GRID2: variants seen among roughly 807,000 people sequenced by gnomAD.
GRID2 encodes glutamate receptor ionotropic, delta-2.
GRID2 carries 33 observed loss-of-function variants against 114.8 expected under a neutral mutation model. The observed-to-expected ratio is 0.29, with a 90% CI of 0.22 to 0.38. GRID2 has a LOEUF of 0.38. GRID2 is among the 10% of genes least tolerant of loss of function. The probability of loss-of-function intolerance (pLI) is 1.00; values close to 1 mark genes in which losing one functional copy is unlikely to be tolerated. For missense variants in GRID2, 1,184 were observed against 1,257.7 expected (o/e 0.94, Z 0.89); for synonymous variants, 505 against 449.9 (o/e 1.12, Z -1.55).
chr4:92,696,541 T>C (rs1419099040), intron 2 of GRID2, among the ~76,000 whole-genome samples: 2 of 152,146 alleles, frequency 1.3e-5, no homozygotes, highest in Non-Finnish European at 2.9e-5. Context: ...GCCTGAGTTT[T>C]TGAAGAAAGA....
At chr4:93,283,214 G>A (rs577634703) in intron 8 of GRID2, among the ~76,000 whole-genome samples, 7 of 152,006 alleles carry the variant, frequency 4.6e-5, no homozygotes, top group Admixed American at 1.3e-4. Flanking sequence ...TATATGAGAA[G>A]GGAAAGGATG....
intron 14 of GRID2, among the ~76,000 whole-genome samples, chr4:93,670,599 C>G (rs997961640): frequency 3.9e-5 from 6 of 152,274 alleles, no homozygotes; most frequent in Admixed American, 2.6e-4. Flanking sequence ...TACACTGATA[C>G]TTTCACACAG....
chr4:92,906,481 C>G (rs981613180), intron 2 of GRID2, among the ~76,000 whole-genome samples: 1 of 137,276 alleles, frequency 7.3e-6, no homozygotes, highest in Non-Finnish European at 1.6e-5. Flanking sequence ...GCCCCTCAGG[C>G]TTATACTTAA....
intron 8 of GRID2, among the ~76,000 whole-genome samples, chr4:93,330,010 A>C (rs1411771532): frequency 6.6e-6 from 1 of 152,142 alleles, no homozygotes; most frequent in Non-Finnish European, 1.5e-5. Context: ...TGGCCATAAA[A>C]TATTATAAAA....
chr4:92,844,705 C>CAA lies in GRID2; in HGVS notation c.245-240276_245-240275dup, dbSNP rs35173293. ...TGTGCAACAGAGCAAGACTCTGTCTCAAAAAAAAAAAAAAAGAAAGAAAAA... is the reference window on the plus strand; with the variant it reads ...TGTGCAACAGAGCAAGACTCTGTCTCAAAAAAAAAAAAAAAAAGAAAGAAAAA... On this transcript the variant is annotated intron_variant, in intron 2 of 15. Coordinates refer to ENST00000282020, the MANE Select transcript of GRID2 (RefSeq NM_001510.4). 2.6e-3 allele frequency among the ~76,000 whole-genome samples: 240 copies of CAA among 92,902 alleles called. 1 individual carries two copies. The highest frequency in any genetic ancestry group is 7.1e-3 in the African/African-American group (160 of 22,522). The allele number at this position is 92,902 out of a possible 152,430, so 60.9% of individuals were successfully genotyped here. A position where few individuals can be genotyped will look rare whatever the true frequency, so the allele number is the denominator to read the frequency against.
chr4:93,804,510 G>A (rs574898547), intron 1 of GRID2, among the ~76,000 whole-genome samples: 1 of 152,048 alleles, frequency 6.6e-6, no homozygotes, highest in Non-Finnish European at 1.5e-5. Flanking sequence ...ACATAGGAAA[G>A]GTACAGTAAA....
intron 12 of GRID2, among the ~76,000 whole-genome samples, chr4:93,495,719 A>G (rs72668793): frequency 6.6e-6 from 1 of 151,872 alleles, no homozygotes; most frequent in Non-Finnish European, 1.5e-5. Context: ...ACTTGATACG[A>G]ATATGTCTCT....
intron 4 of GRID2, among the ~76,000 whole-genome samples, chr4:93,200,694 A>G (rs960806701): frequency 6.6e-6 from 1 of 152,230 alleles, no homozygotes; most frequent in Non-Finnish European, 1.5e-5. Context: ...CTGTAGGTTT[A>G]TTGTGGGATT....
At chr4:92,343,669 G>C (rs1184868258) in intron 1 of GRID2, among the ~76,000 whole-genome samples, 1 of 152,044 alleles carries the variant, frequency 6.6e-6, no homozygotes, top group African/African-American at 2.4e-5. Flanking sequence ...TGCCTCCGAG[G>C]TTCAAGCAAT....
intron 4 of GRID2, among the ~76,000 whole-genome samples, chr4:93,205,478 G>GA (rs537318298): frequency 9.3e-4 from 141 of 152,170 alleles, no homozygotes; most frequent in African/African-American, 3.2e-3. Context: ...CCCTACAAAG[G>GA]ACATGAACTC....
chr4:92,910,632 T>A (rs1021326083), intron 2 of GRID2, among the ~76,000 whole-genome samples: 1 of 152,076 alleles, frequency 6.6e-6, no homozygotes, highest in Non-Finnish European at 1.5e-5. Context: ...ACAATCTATT[T>A]TTTCAGAGTG....
At chr4:92,789,945 A>T (rs1739499708) in intron 2 of GRID2, among the ~76,000 whole-genome samples, 1 of 151,900 alleles carries the variant, frequency 6.6e-6, no homozygotes, top group African/African-American at 2.4e-5. Context: ...GAAAGCTGCC[A>T]GTCTGAGACA....
intron 1 of GRID2, among the ~76,000 whole-genome samples, chr4:92,482,778 G>A (rs1722678821): frequency 6.6e-6 from 1 of 152,106 alleles, no homozygotes; most frequent in Non-Finnish European, 1.5e-5. Flanking sequence ...GGAAGAAGAT[G>A]TTACTAATTA....
At chr4:93,024,832 ATGGCATTATTTCTTTGTCAG>A (rs1446769106) in intron 2 of GRID2, among the ~76,000 whole-genome samples, 1 of 151,796 alleles carries the variant, frequency 6.6e-6, no homozygotes, top group Non-Finnish European at 1.5e-5. Flanking sequence ...TTACATTAAC[ATGGCATTATTTCTTTGTCAG>A]TGGAGATTAA....
chr4:92,902,728 T>C (rs77718178), intron 2 of GRID2, among the ~76,000 whole-genome samples: 3,314 of 152,112 alleles, frequency 0.022, 57 homozygotes, highest in East Asian at 0.055. Flanking sequence ...ATATTCCCAG[T>C]ACCGTTTATT....
intron 14 of GRID2, 99 bp downstream of exon 14, chr4:93,626,534 G>C: frequency 1.4e-6 from 1 of 733,958 alleles, no homozygotes; most frequent in Non-Finnish European, 2.3e-6. Context: ...TGTTTCCTTT[G>C]TTAGGAGAAG....
At chr4:93,437,942 A>T (rs974846184) in intron 10 of GRID2, among the ~76,000 whole-genome samples, 6 of 152,134 alleles carry the variant, frequency 3.9e-5, no homozygotes, top group African/African-American at 1.4e-4. Context: ...ATATCTATAA[A>T]TGGGCATATA....
At chr4:93,457,194 G>A (rs761094251) in intron 11 of GRID2, among the ~76,000 whole-genome samples, 41 of 152,120 alleles carry the variant, frequency 2.7e-4, no homozygotes, top group Admixed American at 8.5e-4. Context: ...AGCATAGACT[G>A]TTAGGAGATC....
chr4:93,463,923 A>AC (rs1724013796), intron 11 of GRID2, among the ~76,000 whole-genome samples: 1 of 152,124 alleles, frequency 6.6e-6, no homozygotes, highest in Non-Finnish European at 1.5e-5. Context: ...TGGGAGGTGG[A>AC]GCTTGCAGTG....
Sources: allele counts gnomAD v4.1 joint callset (sites outside exome capture counted in the v4.1 genomes callset), GRCh38; gene constraint gnomAD v4.1.1; transcripts MANE v1.5; gene names NCBI Gene and HGNC (gene_info 2026-07-23, HGNC 2026-07-21).